The following GLRA3 variants were observed in gnomAD, a reference collection of about 807,000 sequenced individuals.
GLRA3 encodes the protein glycine receptor subunit alpha-3.
Under a neutral mutation model 60.4 loss-of-function variants are expected in GLRA3, and 44 were observed. The observed-to-expected ratio is 0.73, with a 90% CI of 0.57 to 0.94. The LOEUF is 0.94. Ranked by LOEUF, GLRA3 falls within the 40% of genes least tolerant of loss-of-function variation. GLRA3 has a pLI of 0.00. For synonymous variants in GLRA3, 223 were observed against 192.9 expected (o/e 1.16, Z -1.29); for missense variants, 508 against 564.6 (o/e 0.90, Z 1.02).
At chr4:174,741,432 T>A (rs1018045344) in intron 3 of GLRA3, among the ~76,000 whole-genome samples, 1 of 152,160 alleles carries the variant, frequency 6.6e-6, no homozygotes, top group Non-Finnish European at 1.5e-5. Context: ...GTATTGTTTT[T>A]ATTTTACTAT....
Position 174,699,211 on chromosome 4 carries a change from A to T in GLRA3, c.575-16272T>A, listed in dbSNP as rs144474914. The stretch of plus-strand genomic sequence containing the variant: ...GAGACAGGGTTTCACCATATTGGTC[A>T]GGCTGGTCTCGAACTCCTGACCTTA... On this transcript the variant is annotated intron_variant, in intron 5 of 9. Coordinates refer to ENST00000274093, the MANE Select transcript of GLRA3 (RefSeq NM_006529.4). 3.0e-3 allele frequency among the ~76,000 whole-genome samples: 458 copies of T among 152,288 alleles called. 2 individuals are homozygous for T. The highest frequency in any genetic ancestry group is 0.01 in the African/African-American group (436 of 41,554).
intron 1 of GLRA3, among the ~76,000 whole-genome samples, chr4:174,801,524 A>T (rs913216914): frequency 1.3e-5 from 2 of 152,134 alleles, no homozygotes; most frequent in African/African-American, 4.8e-5. Context: ...CTTGGTTAAT[A>T]GCAGCTCTAT....
At chr4:174,685,880 T>C (rs1281561776) in intron 5 of GLRA3, among the ~76,000 whole-genome samples, 2 of 152,218 alleles carry the variant, frequency 1.3e-5, no homozygotes, top group Non-Finnish European at 2.9e-5. Context: ...TTTAGACAGA[T>C]GAATGGAAAA....
intron 1 of GLRA3, among the ~76,000 whole-genome samples, chr4:174,819,974 C>T (rs961968159): frequency 4.6e-5 from 7 of 152,002 alleles, no homozygotes; most frequent in African/African-American, 1.7e-4. Context: ...AAAGATACAC[C>T]TCATATATGA....
chr4:174,728,937 T>C (rs1289004561), intron 3 of GLRA3, among the ~76,000 whole-genome samples: 1 of 152,140 alleles, frequency 6.6e-6, no homozygotes, highest in Non-Finnish European at 1.5e-5. Flanking sequence ...AAAAATAAAG[T>C]CTTATAAAAA....
chr4:174,755,138 A>T (rs1737642229), intron 3 of GLRA3, among the ~76,000 whole-genome samples: 1 of 152,164 alleles, frequency 6.6e-6, no homozygotes, highest in Non-Finnish European at 1.5e-5. Flanking sequence ...AGCAGTAAAA[A>T]TAGCAGTTTA....
intron 2 of GLRA3, among the ~76,000 whole-genome samples, chr4:174,779,715 G>A (rs1579594143): frequency 6.6e-6 from 1 of 152,154 alleles, no homozygotes; most frequent in Non-Finnish European, 1.5e-5. Flanking sequence ...GGGTATCAGA[G>A]ATGGAAGATG....
chr4:174,780,766 A>C lies in GLRA3; in HGVS notation c.199+8050T>G, dbSNP rs539496277. ...ATCAATTCAACAAGAAGAGCTAACTATCCTAAATATATATGCACCCAATAC... is the reference window on the plus strand; with the variant it reads ...ATCAATTCAACAAGAAGAGCTAACTCTCCTAAATATATATGCACCCAATAC... On this transcript the variant is annotated intron_variant, in intron 2 of 9. Transcript: ENST00000274093. 4.8e-3 allele frequency among the ~76,000 whole-genome samples: 732 copies of C among 152,132 alleles called. 3 individuals carry two copies. The highest frequency in any genetic ancestry group is 6.1e-3 in the Non-Finnish European group (415 of 67,998).
At chr4:174,819,878 A>G (rs1466653606) in intron 1 of GLRA3, among the ~76,000 whole-genome samples, 1 of 152,144 alleles carries the variant, frequency 6.6e-6, no homozygotes, top group Non-Finnish European at 1.5e-5. Context: ...TATTTGATTA[A>G]TATTTAGCAT....
chr4:174,746,069 T>C (rs1480463502), intron 3 of GLRA3, among the ~76,000 whole-genome samples: 3 of 152,124 alleles, frequency 2.0e-5, no homozygotes, highest in South Asian at 2.1e-4. Context: ...ACAACCACTA[T>C]GGGAAACAGA....
At chr4:174,745,628 A>G (rs76162805) in intron 3 of GLRA3, among the ~76,000 whole-genome samples, 2,401 of 152,248 alleles carry the variant, frequency 0.016, 63 homozygotes, top group African/African-American at 0.054. Context: ...AAATAAAAAT[A>G]GACAAATGAG....
rs976118268 is a variant in GLRA3, at chr4:174,643,610, G to T, written c.*176C>A. 1.2e-5 allele frequency: 16 copies of T among 1,342,474 alleles called. No homozygotes were observed. The Admixed American group carries it at 2.4e-4, about 20-fold the overall frequency. 83.2% of individuals were successfully genotyped at this position (1,342,474 alleles called of 1,614,324 possible). A position where few individuals can be genotyped will look rare whatever the true frequency, so the allele number is the denominator to read the frequency against. ...AATAAATATTTTATATTCATTAAAAGAATCTCATCTTTCTCATGACTTTGC... is the reference window on the plus strand; with the variant it reads ...AATAAATATTTTATATTCATTAAAATAATCTCATCTTTCTCATGACTTTGC... On this transcript the variant is annotated 3_prime_UTR_variant, in exon 10 of 10. Coordinates refer to ENST00000274093, the MANE Select transcript of GLRA3 (RefSeq NM_006529.4).
chr4:174,797,613 CA>C (rs1739621874), intron 1 of GLRA3, among the ~76,000 whole-genome samples: 1 of 151,970 alleles, frequency 6.6e-6, no homozygotes, highest in Admixed American at 6.6e-5. Flanking sequence ...AACAGAACAT[CA>C]AAATCTAACA....
intron 1 of GLRA3, among the ~76,000 whole-genome samples, chr4:174,793,713 G>C (rs1393645593): frequency 1.3e-5 from 2 of 151,996 alleles, no homozygotes; most frequent in Non-Finnish European, 2.9e-5. Context: ...TTAAAAGAAA[G>C]GATGCAAAGT....
intron 3 of GLRA3, among the ~76,000 whole-genome samples, chr4:174,763,475 C>T (rs540702457): frequency 1.2e-4 from 19 of 152,314 alleles, no homozygotes; most frequent in African/African-American, 4.6e-4. Flanking sequence ...TGTGGACACC[C>T]TGAAGACCAG....
intron 1 of GLRA3, among the ~76,000 whole-genome samples, chr4:174,812,974 C>G (rs555990719): frequency 1.3e-5 from 2 of 152,066 alleles, no homozygotes; most frequent in Non-Finnish European, 2.9e-5. Context: ...AGAGCACACG[C>G]GTTCCTTTAA....
Position 174,641,583 on chromosome 4 carries a change from C to T in GLRA3, c.*2203G>A, listed in dbSNP as rs187077871. The T allele has an allele frequency of 8.3e-4, 126 of 152,124 alleles. 2 individuals carry two copies. Among genetic ancestry groups the T allele is most frequent in the Admixed American group, 8.2e-3 (125 of 15,264 alleles). The allele number at this position is 152,124 out of a possible 1,614,324, so 9.4% of individuals were successfully genotyped here. On this transcript the variant is annotated 3_prime_UTR_variant, in exon 10 of 10. Transcript: ENST00000274093. ...TTGAGATAGATTTCTAATGTACCAA[C>T]GTCCTTGTTGACAATATTGTCTCAT... is the stretch of plus-strand genomic sequence containing the variant.
intron 9 of GLRA3, among the ~76,000 whole-genome samples, chr4:174,647,028 C>G (rs1273145889): frequency 1.3e-5 from 2 of 152,116 alleles, no homozygotes; most frequent in Non-Finnish European, 1.5e-5. Flanking sequence ...AGGTTTATCC[C>G]CTGTTGAATT....
chr4:174,747,114 T>C (rs1156926595), intron 3 of GLRA3, among the ~76,000 whole-genome samples: 1 of 152,220 alleles, frequency 6.6e-6, no homozygotes, highest in Non-Finnish European at 1.5e-5. Flanking sequence ...TTCTGGCTTC[T>C]GCCTTTGTGG....
Sources: allele counts gnomAD v4.1 joint callset (sites outside exome capture counted in the v4.1 genomes callset), GRCh38; gene constraint gnomAD v4.1.1; transcripts MANE v1.5; gene names NCBI Gene and HGNC (gene_info 2026-07-23, HGNC 2026-07-21).